The following RANBP17 variants were observed in gnomAD, a reference collection of about 807,000 sequenced individuals.
RANBP17 encodes RAN binding protein 17, also known as ran-binding protein 17.
RANBP17 carries 158 observed loss-of-function variants against 141.2 expected under a neutral mutation model. The ratio of observed to expected loss-of-function variants is 1.12; its 90% CI spans 0.98 to 1.28. The LOEUF (loss-of-function observed/expected upper bound fraction) is 1.28, where lower values mean the gene tolerates loss of function less well. Ranked by LOEUF, RANBP17 falls within the 50% of genes most tolerant of loss-of-function variation. The probability of loss-of-function intolerance (pLI) is 0.00; values close to 1 mark genes in which losing one functional copy is unlikely to be tolerated. For missense variants in RANBP17, 1,438 were observed against 1,290.7 expected, an observed-to-expected ratio of 1.11 and a Z score of -1.75; for synonymous variants, 430 against 450.0, an observed-to-expected ratio of 0.96 and a Z score of 0.56.
chr5:170,864,941 A>G (rs971749033), intron 1 of RANBP17, among the ~76,000 whole-genome samples: 1 of 152,180 alleles, frequency 6.6e-6, no homozygotes, highest in African/African-American at 2.4e-5. Context: ...TGGAGAGATT[A>G]TTTATGATTT....
chr5:171,212,161 T>G (rs1762934903), intron 20 of RANBP17, among the ~76,000 whole-genome samples: 1 of 152,156 alleles, frequency 6.6e-6, no homozygotes, highest in Non-Finnish European at 1.5e-5. Flanking sequence ...CTGGGATAAT[T>G]GACACCTATA....
chr5:170,985,702 C>T (rs1778096730), intron 14 of RANBP17, among the ~76,000 whole-genome samples: 1 of 152,158 alleles, frequency 6.6e-6, no homozygotes, highest in Non-Finnish European at 1.5e-5. Context: ...AACTGGAAAA[C>T]ATTCCAATTG....
intron 18 of RANBP17, among the ~76,000 whole-genome samples, chr5:171,186,729 G>A (rs2127930304): frequency 6.7e-6 from 1 of 150,306 alleles, no homozygotes; most frequent in Non-Finnish European, 1.5e-5. Context: ...GTAGAGACGG[G>A]GTTTCACCGT....
rs1398275368 is a variant in RANBP17 at position 171,103,806 on chromosome 5, CGTTCCTCAAGGCACA to C, written c.1711-66315_1711-66301del. ...TCGTAGTATCTGGGCTGGAGTGCAC[CGTTCCTCAAGGCACA>C]GTTCCTCAGGGCTTCCCTTGGCTAG... is the stretch of plus-strand genomic sequence containing the variant. On this transcript the variant is annotated intron_variant, in intron 14 of 27. Coordinates refer to ENST00000523189, the MANE Select transcript of RANBP17 (RefSeq NM_022897.5). Among the ~76,000 whole-genome samples the C allele has an allele frequency of 6.6e-5, 10 of 152,252 alleles. No individual in the cohort carries two copies. In the South Asian group the frequency reaches 8.3e-4, roughly 13 times the overall value.
In RANBP17 at chr5:171,058,759, C is replaced by A. The variant is rs373274162; in HGVS notation, c.1710+90382C>A. 5.1e-4 allele frequency among the ~76,000 whole-genome samples: 77 copies of A among 150,858 alleles called. 2 individuals are homozygous for A. The East Asian group carries it at 0.011, about 22-fold the overall frequency. ...CACACTGACTTGCACAATGGTTGAA[C>A]TAGTTCACAGTCCCACCAACAGTGT... On this transcript the variant is annotated intron_variant, in intron 14 of 27. Transcript: ENST00000523189.
At chr5:171,147,582 A>T (rs1190521914) in intron 14 of RANBP17, among the ~76,000 whole-genome samples, 1 of 151,464 alleles carries the variant, frequency 6.6e-6, no homozygotes, top group African/African-American at 2.4e-5. Flanking sequence ...AGCCCAGCTA[A>T]TTTTTGTATT....
At chr5:171,002,421 C>T (rs1192173800) in intron 14 of RANBP17, among the ~76,000 whole-genome samples, 1 of 152,042 alleles carries the variant, frequency 6.6e-6, no homozygotes, top group Non-Finnish European at 1.5e-5. Flanking sequence ...TTTGATGGCC[C>T]TTGCAGTGTA....
chr5:171,093,547 A>G (rs1415786443), intron 14 of RANBP17, among the ~76,000 whole-genome samples: 8 of 152,182 alleles, frequency 5.3e-5, no homozygotes, highest in African/African-American at 1.2e-4. Flanking sequence ...GCACCTGCCA[A>G]TTGTCACTGT....
intron 3 of RANBP17, among the ~76,000 whole-genome samples, 154 bp from the exon 4 acceptor site, chr5:170,892,233 A>G (rs1769692406): frequency 6.6e-6 from 1 of 151,396 alleles, no homozygotes; most frequent in Non-Finnish European, 1.5e-5. Flanking sequence ...TGTACCTATC[A>G]ACCCGTCATC....
intron 14 of RANBP17, among the ~76,000 whole-genome samples, chr5:170,985,050 G>C (rs201556763): frequency 6.8e-6 from 1 of 146,100 alleles, no homozygotes; most frequent in Non-Finnish European, 1.5e-5. Flanking sequence ...GGCACACACA[G>C]ACACACACAG....
chr5:170,986,991 C>G (rs904080484), intron 14 of RANBP17, among the ~76,000 whole-genome samples: 6 of 151,764 alleles, frequency 4.0e-5, no homozygotes, highest in Non-Finnish European at 3.0e-5. Flanking sequence ...TGGATATATT[C>G]TGATTACTGG....
At chr5:171,117,703 A>G (rs1047457742) in intron 14 of RANBP17, among the ~76,000 whole-genome samples, 1 of 151,990 alleles carries the variant, frequency 6.6e-6, no homozygotes, top group African/African-American at 2.4e-5. Flanking sequence ...CATGTTGACC[A>G]TGCTAGTCTC....
chr5:171,297,335 T>C (rs1768879635), intron 27 of RANBP17, among the ~76,000 whole-genome samples: 1 of 152,186 alleles, frequency 6.6e-6, no homozygotes, highest in Admixed American at 6.5e-5. Context: ...TCTTACATTC[T>C]AGTAGAAAAG....
At chr5:170,978,833 A>C (rs1280257011) in intron 14 of RANBP17, among the ~76,000 whole-genome samples, 1 of 152,138 alleles carries the variant, frequency 6.6e-6, no homozygotes, top group Non-Finnish European at 1.5e-5. Flanking sequence ...TGATTTGTGC[A>C]CTTCATATTT....
At chr5:171,217,844 G>C (rs190718866) in intron 21 of RANBP17, among the ~76,000 whole-genome samples, 15 of 152,214 alleles carry the variant, frequency 9.9e-5, no homozygotes, top group African/African-American at 3.1e-4. Context: ...CAAAAAAACA[G>C]CTCCTGGATT....
At chr5:171,098,982 T>C (rs1360731089) in intron 14 of RANBP17, among the ~76,000 whole-genome samples, 1 of 152,220 alleles carries the variant, frequency 6.6e-6, no homozygotes, top group East Asian at 1.9e-4. Flanking sequence ...ATATCTGTTT[T>C]GGTACCAGTA....
intron 14 of RANBP17, among the ~76,000 whole-genome samples, chr5:171,127,646 A>G (rs1756577622): frequency 6.6e-6 from 1 of 152,224 alleles, no homozygotes; most frequent in Non-Finnish European, 1.5e-5. Context: ...GCAAATCAAA[A>G]CCACAATGAA....
intron 14 of RANBP17, among the ~76,000 whole-genome samples, chr5:171,158,029 A>T (rs1176997143): frequency 6.6e-6 from 1 of 152,344 alleles, no homozygotes; most frequent in Non-Finnish European, 1.5e-5. Flanking sequence ...ATTACAGGCA[A>T]TGCTTCCAGT....
intron 14 of RANBP17, among the ~76,000 whole-genome samples, chr5:171,156,044 A>C (rs1195631401): frequency 1.3e-5 from 2 of 152,154 alleles, no homozygotes; most frequent in African/African-American, 4.8e-5. Context: ...GACACAAAAT[A>C]GCTTACTTTC....
Sources: allele counts gnomAD v4.1 joint callset (sites outside exome capture counted in the v4.1 genomes callset), GRCh38; gene constraint gnomAD v4.1.1; transcripts MANE v1.5; gene names NCBI Gene and HGNC (gene_info 2026-07-23, HGNC 2026-07-21).